The following TENM1 variants were observed in gnomAD, a reference collection of about 807,000 sequenced individuals.
TENM1 encodes the protein teneurin-1.
A neutral mutation model predicts 174.8 loss-of-function variants in TENM1; 35 were observed. The ratio of observed to expected loss-of-function variants is 0.20; its 90% CI spans 0.15 to 0.27. The LOEUF (loss-of-function observed/expected upper bound fraction) is 0.27. Among genes scored for constraint, TENM1 ranks in the 10% least tolerant of loss-of-function variants. The pLI, the probability that TENM1 is intolerant of heterozygous loss-of-function variation, is 1.00. For synonymous variants in TENM1, 781 were observed against 798.7 expected (o/e 0.98, Z 0.37); for missense variants, 1,633 against 2,130.1 (o/e 0.77, Z 4.59).
chrX:125,001,388 T>C, the TENM1 span, among the ~76,000 whole-genome samples: 1 of 111,701 alleles, frequency 9.0e-6, no homozygotes, highest in South Asian at 3.7e-4. Context: ...AGATTTCAGT[T>C]TCCTCATCTG....
intron 19 of TENM1, 85 bp from the exon 23 acceptor site, chrX:124,497,350 CAT>C (rs2047225233): frequency 1.0e-6 from 1 of 993,966 alleles, no homozygotes; most frequent in African/African-American, 1.9e-5. Context: ...TATTCTTCAT[CAT>C]CCCAAGCAGG....
chrX:124,492,487 T>A (rs16999215), intron 20 of TENM1, among the ~76,000 whole-genome samples: 22,399 of 109,316 alleles, frequency 0.2, 2,145 homozygotes, highest in African/African-American at 0.35. Context: ...AGGCAACTGA[T>A]CAGGATAGAT....
At chrX:124,628,610 G>T (rs1489888346) in intron 11 of TENM1, among the ~76,000 whole-genome samples, 2 of 111,338 alleles carry the variant, frequency 1.8e-5, no homozygotes, top group African/African-American at 6.5e-5. Flanking sequence ...TCAATGAAAA[G>T]AAAAGTTTTA....
intron 15 of TENM1, among the ~76,000 whole-genome samples, chrX:124,535,374 C>T (rs988218198): frequency 3.6e-5 from 4 of 111,149 alleles, no homozygotes; most frequent in Non-Finnish European, 7.6e-5. Context: ...CAATCTTACC[C>T]TTATGAAATC....
intron 22 of TENM1, among the ~76,000 whole-genome samples, chrX:124,468,372 T>C (rs2061263353): frequency 9.0e-6 from 1 of 110,792 alleles, no homozygotes; most frequent in Admixed American, 9.6e-5. Flanking sequence ...GAGATGGGGT[T>C]TCATCATGTT....
At chrX:124,385,045 T>C (rs2060202839) in intron 29 of TENM1, among the ~76,000 whole-genome samples, 191 bp from the exon 33 acceptor site, 1 of 112,259 alleles carries the variant, frequency 8.9e-6, no homozygotes, top group Non-Finnish European at 1.9e-5. Flanking sequence ...AATCCTCAAA[T>C]ATAAAAAATT....
the TENM1 span, among the ~76,000 whole-genome samples, chrX:125,019,003 T>C: frequency 8.9e-6 from 1 of 112,140 alleles, no homozygotes; most frequent in African/African-American, 3.2e-5. Context: ...TGTGTTATAC[T>C]GAAAATGTTT....
rs774935918 is a variant in TENM1 at position 124,438,972 on chromosome X, G to GT, written c.4104+14364dup. ...CCAGTTTATCATTTTGTTAAATTTG[G>GT]TTTTTTTTATATATATAATAGACTT... On this transcript the variant is annotated intron_variant, in intron 23 of 31. Transcript: ENST00000422452. Among the ~76,000 whole-genome samples the GT allele has an allele frequency of 4.5e-5, 5 of 111,215 alleles. No homozygotes were observed. The East Asian group carries it at 1.1e-3, about 25-fold the overall frequency.
the TENM1 span, among the ~76,000 whole-genome samples, chrX:125,128,287 C>G: frequency 9.0e-6 from 1 of 111,520 alleles, no homozygotes; most frequent in Non-Finnish European, 1.9e-5. Flanking sequence ...TAAAAGCAAC[C>G]CTCTGAAGGA....
chrX:124,426,349 G>A (rs1358603147), intron 23 of TENM1, among the ~76,000 whole-genome samples: 1 of 111,773 alleles, frequency 8.9e-6, no homozygotes, highest in Non-Finnish European at 1.9e-5. Flanking sequence ...TTGAGTGAAA[G>A]CCCACAGAAG....
At chrX:124,457,665 G>A (rs1023191805) in intron 22 of TENM1, among the ~76,000 whole-genome samples, 7 of 111,730 alleles carry the variant, frequency 6.3e-5, no homozygotes, top group Admixed American at 4.8e-4. Context: ...AGGAACAGGG[G>A]CATCCTGATG....
chrX:125,160,671 A>C, the TENM1 span, among the ~76,000 whole-genome samples: 1 of 109,389 alleles, frequency 9.1e-6, no homozygotes, highest in African/African-American at 3.3e-5. Flanking sequence ...AAATCATCCC[A>C]GATTTGTTCA....
chrX:124,850,741 C>A (rs1287176711), intron 3 of TENM1, among the ~76,000 whole-genome samples: 3 of 110,216 alleles, frequency 2.7e-5, no homozygotes, highest in Non-Finnish European at 5.7e-5. Context: ...CCACTAATCT[C>A]AGCGGATAAT....
intron 3 of TENM1, among the ~76,000 whole-genome samples, chrX:124,879,057 G>A (rs1422029064): frequency 8.9e-6 from 1 of 112,068 alleles, no homozygotes; most frequent in Non-Finnish European, 1.9e-5. Context: ...TGCATAGAAT[G>A]TGCAGTGATC....
intron 25 of TENM1, among the ~76,000 whole-genome samples, chrX:124,408,535 G>T (rs2060489505): frequency 9.0e-6 from 1 of 111,311 alleles, no homozygotes; most frequent in Admixed American, 9.5e-5. Context: ...TCTTATCAGG[G>T]GAACTGTGGC....
intron 14 of TENM1, among the ~76,000 whole-genome samples, chrX:124,549,818 C>T (rs1202221094): frequency 1.8e-5 from 2 of 111,040 alleles, no homozygotes; most frequent in Non-Finnish European, 1.9e-5. Context: ...ATCACATTGA[C>T]TAACACCCCA....
At chrX:125,187,283 T>C in the TENM1 span, among the ~76,000 whole-genome samples, 1 of 112,219 alleles carries the variant, frequency 8.9e-6, no homozygotes, top group Non-Finnish European at 1.9e-5. Flanking sequence ...AAAAAAGTCA[T>C]TTATTAGTAA....
At chrX:124,526,785 A>C (rs2047986510) in intron 16 of TENM1, among the ~76,000 whole-genome samples, 1 of 112,295 alleles carries the variant, frequency 8.9e-6, no homozygotes, top group Non-Finnish European at 1.9e-5. Context: ...CATGGTATCC[A>C]TAAATGAATA....
At chrX:124,613,371 T>C (rs2050322321) in intron 11 of TENM1, among the ~76,000 whole-genome samples, 1 of 110,540 alleles carries the variant, frequency 9.0e-6, no homozygotes, top group African/African-American at 3.3e-5. Flanking sequence ...TTGGTTTTAA[T>C]GTATATGTAA....
Sources: gnomAD v4.1 joint callset for allele counts (sites outside exome capture counted in the v4.1 genomes callset) on GRCh38, gnomAD v4.1.1 for gene constraint, MANE v1.5 for transcripts, NCBI Gene and HGNC (gene_info 2026-07-23, HGNC 2026-07-21) for gene names.